The following UNC13D variants were observed in gnomAD, a reference collection of about 807,000 sequenced individuals.
UNC13D encodes unc-13 homolog D, also known as protein unc-13 homolog D.
UNC13D carries 115 observed loss-of-function variants against 151.7 expected under a neutral mutation model. The ratio of observed to expected loss-of-function variants is 0.76; its 90% confidence interval spans 0.65 to 0.88. The LOEUF is 0.88. Ranked by LOEUF, UNC13D falls within the 40% of genes least tolerant of loss-of-function variation. The pLI is 0.00. For synonymous variants in UNC13D, 588 were observed against 612.2 expected (o/e 0.96, Z 0.58); for missense variants, 1,369 against 1,438.7 (o/e 0.95, Z 0.78).
rs78028658 is a variant in UNC13D, at chr17:75,843,193, G to A, written c.227C>T (p.Thr76Met). The A allele has an allele frequency of 2.8e-4, 457 of 1,612,278 alleles. 1 individual carries two copies. In the African/African-American group the frequency reaches 5.3e-3, roughly 19 times the overall value. ...GTATCGCAGCAGCTCAGAGGCCTCC[G>A]TCACATGGTTGGGCTCAGGATGACC... ...RLGHPEPNHV[T>M]EASELLRYLQ... The change falls in exon 3 of 32, where the codon ACG (threonine) becomes ATG (methionine). Residue 76 changes from threonine (T) to methionine (M), a missense_variant. Thr to Met is a moderately conservative substitution (Grantham distance 81, BLOSUM62 -1). This residue lies in a region of UNC13D where 550 missense variants were observed against 609.0 expected (regional missense o/e 0.90). Transcript: ENST00000207549.
In UNC13D at chr17:75,836,382, G is replaced by C. The variant is rs1051792709; in HGVS notation, c.1346C>G (p.Pro449Arg). 8.7e-6 allele frequency: 14 copies of C among 1,613,780 alleles called. No homozygotes were observed. The highest frequency in any genetic ancestry group is 1.1e-5 in the Non-Finnish European group (13 of 1,180,044). The change falls in exon 15 of 32, where the codon CCC becomes CGC. Residue 449 changes from proline (P) to arginine (R), a missense_variant. By Grantham distance (103) the Pro-to-Arg change is moderately radical (BLOSUM62 -2). Around this residue, in one of 3 missense-constraint regions of UNC13D, gnomAD observed 550 missense variants for 609.0 expected, o/e 0.90. Coordinates refer to ENST00000207549, the MANE Select transcript of UNC13D (RefSeq NM_199242.3). Reference sequence around the variant, plus strand: ...CAGCTGGGGCAATGGGGCGGTGTTGGGGCACAGTTCTCCAAAGGCCTTCAT... The same window carrying C: ...CAGCTGGGGCAATGGGGCGGTGTTGCGGCACAGTTCTCCAAAGGCCTTCAT... Reference protein sequence around the residue: ...CKMKAFGELCPNTAPLPQLVT... With the variant: ...CKMKAFGELCRNTAPLPQLVT...
At position 75,830,758 on chromosome 17, in the gene UNC13D, G is replaced by A. The variant is rs142506597; in HGVS notation, c.2626-97C>T. The A allele has an allele frequency of 4.9e-5, 69 of 1,405,478 alleles. No individual in the cohort carries two copies. The African/African-American group carries it at 5.4e-4, about 11-fold the overall frequency. 87.1% of individuals were successfully genotyped at this position (1,405,478 alleles called of 1,614,324 possible). On this transcript the variant is annotated intron_variant, in intron 27 of 31. Transcript: ENST00000207549. ...GCTCACTGTCAAGGGTAACATGTCCGTTTGAAATGGAAAGTATTGGGTCAT... is the reference window on the plus strand; with the variant it reads ...GCTCACTGTCAAGGGTAACATGTCCATTTGAAATGGAAAGTATTGGGTCAT...
chr17:75,828,631 G>A (rs548623021), intron 31 of UNC13D, among the ~76,000 whole-genome samples, 156 bp downstream of exon 31: 21 of 152,346 alleles, frequency 1.4e-4, no homozygotes, highest in South Asian at 8.3e-4. Context: ...AAGTTCACTG[G>A]TCTCTTGATT....
chr17:75,835,305 T>C (rs1198551970), intron 20 of UNC13D, 104 bp downstream of exon 20: 4 of 1,475,566 alleles, frequency 2.7e-6, no homozygotes, highest in African/African-American at 1.4e-5. Context: ...AAAAGGGATG[T>C]TCAGAGCGGG....
chr17:75,834,192 G>T (rs999988198), intron 23 of UNC13D, 49 bp from the exon 24 acceptor site: 2 of 1,609,176 alleles, frequency 1.2e-6, no homozygotes, highest in African/African-American at 1.3e-5. Flanking sequence ...ATGAGTCGGG[G>T]ATGGAAGAGT....
intron 27 of UNC13D, 24 bp from the exon 28 acceptor site, chr17:75,830,685 T>G: frequency 1.3e-6 from 2 of 1,553,548 alleles, no homozygotes; most frequent in Non-Finnish European, 1.7e-6. Flanking sequence ...CAGCTGAGGA[T>G]CCACCTGGAC....
At chr17:75,828,194 C>T in intron 31 of UNC13D, 108 bp from the exon 32 acceptor site, 5 of 1,465,544 alleles carry the variant, frequency 3.4e-6, no homozygotes, top group Non-Finnish European at 4.6e-6. Context: ...ATCTCCCCAA[C>T]AACCTGGAAG....
At position 75,828,881 on chromosome 17, in the gene UNC13D, G is replaced by T. The variant is rs1356821498; in HGVS notation, c.3057C>A (p.Phe1019Leu). ...GCCCGGGCACCTCACGCAGCGGCAG[G>T]AAGGCCTCGCCTTCCAGGTCGTCGG... ...LGADDLEGEA[F>L]LPLREVPGLS... Residue 1019 changes from phenylalanine to leucine, a missense_variant, in exon 31 of 32, where the codon TTC (phenylalanine) becomes TTA (leucine). Phe to Leu is a conservative substitution (Grantham distance 22). Around this residue, in one of 3 missense-constraint regions of UNC13D, gnomAD observed 807 missense variants for 795.5 expected, o/e 1.01. Coordinates refer to ENST00000207549, the MANE Select transcript of UNC13D (RefSeq NM_199242.3). 2 of 1,604,464 alleles carry T rather than the reference G, an allele frequency of 1.2e-6. No individual in the cohort carries two copies. Among genetic ancestry groups the T allele is most frequent in the South Asian group, 1.1e-5 (1 of 90,486 alleles).
At chr17:75,837,346 A>G (rs955826646) in intron 12 of UNC13D, among the ~76,000 whole-genome samples, 2 of 151,548 alleles carry the variant, frequency 1.3e-5, no homozygotes, top group African/African-American at 2.4e-5. Flanking sequence ...GATTACAGAC[A>G]TGAGTCACTG....
intron 21 of UNC13D, 56 bp from the exon 22 acceptor site, chr17:75,834,772 C>T: frequency 6.2e-7 from 1 of 1,607,780 alleles, no homozygotes; most frequent in Non-Finnish European, 8.5e-7. Flanking sequence ...CCAGGAAGGG[C>T]AGGTGGGAGG....
At position 75,828,036 on chromosome 17, in the gene UNC13D, G is replaced by A; in HGVS notation, c.3202C>T (p.Gln1068Ter). 6.3e-7 allele frequency: 1 copy of A among 1,583,802 alleles called. No homozygotes were observed. The highest frequency in any genetic ancestry group is 1.1e-5 in the South Asian group (1 of 87,236). Residue 1068 changes from glutamine (Q) to a stop codon, truncating the protein, a stop_gained, in exon 32 of 32, where the codon CAG (glutamine) becomes TAG (stop). Coordinates refer to ENST00000207549, the MANE Select transcript of UNC13D (RefSeq NM_199242.3). LOFTEE classifies it high-confidence loss of function. ...LEGRKGDREA[Q>*]VFVRLRRHRA... ...TGCCGCCGCAGCCTCACAAAGACCT[G>A]GGCTTCTCGGTCACCCTTCCGGCCC...
rs764950480 is a variant in UNC13D at position 75,834,916 on chromosome 17, G to T, written c.1992+4C>A. On this transcript the variant is annotated splice_donor_region_variant and intron_variant, in intron 21 of 31. Coordinates refer to ENST00000207549, the MANE Select transcript of UNC13D (RefSeq NM_199242.3). ...GGGGGAAGGACACGTGGAAGATGCCGCACCTCCACAAACTTGACGGTAATC... is the reference window on the plus strand; with the variant it reads ...GGGGGAAGGACACGTGGAAGATGCCTCACCTCCACAAACTTGACGGTAATC... The T allele has an allele frequency of 6.2e-7, 1 of 1,613,816 alleles. No individual in the cohort carries two copies. The highest frequency in any genetic ancestry group is 1.7e-5 in the Admixed American group (1 of 59,998).
chr17:75,836,276 G>A lies in UNC13D; in HGVS notation c.1390-20C>T, dbSNP rs1215082270. On this transcript the variant is annotated intron_variant, in intron 15 of 31. Coordinates refer to ENST00000207549, the MANE Select transcript of UNC13D (RefSeq NM_199242.3). ...GCCAGTCTGTCGACAAAGAGGCAGT[G>A]AGCAGGGAGGGACTGCCAGGCCCAG... 3.1e-6 allele frequency: 5 copies of A among 1,612,986 alleles called. No homozygotes were observed. The South Asian group carries it at 5.5e-5, about 18-fold the overall frequency.
rs2064885598 is a variant in UNC13D, at chr17:75,833,361, C to T, written c.2368-316G>A. 11 of 269,828 alleles carry T rather than the reference C, an allele frequency of 4.1e-5. No homozygotes were observed. In the South Asian group the frequency reaches 5.9e-4, roughly 14 times the overall value. The allele number at this position is 269,828 out of a possible 1,614,324, so 16.7% of individuals were successfully genotyped here. A position where few individuals can be genotyped will look rare whatever the true frequency, so the allele number is the denominator to read the frequency against. On this transcript the variant is annotated intron_variant, in intron 24 of 31. Transcript: ENST00000207549. This position sits in a 1 kb window ranked among gnomAD's most constrained non-coding sequence, Gnocchi z 4.0. The stretch of plus-strand genomic sequence containing the variant: ...TTCTCATGCCTCCTCCCCTTGCTTC[C>T]CGTAGGTCTTCGCTCAGTTGTCACG...
Position 75,831,354 on chromosome 17 carries a change from G to GA in UNC13D, c.2448-7_2448-6insT, listed in dbSNP as rs771513070. ...TCCAGAGCAGGGTCAGGAGGCTGGG[G>GA]CGGGGCCGGAGGGATGCGGACACAG... On this transcript the variant is annotated splice_region_variant and splice_polypyrimidine_tract_variant and intron_variant, in intron 25 of 31. Transcript: ENST00000207549. The GA allele has an allele frequency of 1.3e-6, 2 of 1,592,626 alleles. No homozygotes were observed. The highest frequency in any genetic ancestry group is 3.3e-5 in the African/African-American group (2 of 60,066).
In UNC13D at chr17:75,844,316, G is replaced by C; in HGVS notation, c.22C>G (p.Pro8Ala). The C allele has an allele frequency of 1.2e-6, 2 of 1,611,848 alleles. No individual in the cohort carries two copies. Among genetic ancestry groups the C allele is most frequent in the Non-Finnish European group, 1.7e-6 (2 of 1,179,610 alleles). The change falls in exon 1 of 32, where the codon CCG (proline) becomes GCG (alanine). Residue 8 changes from proline to alanine, a missense_variant. Physicochemically the swap from Pro to Ala is conservative, Grantham distance 27. This residue lies in a region of UNC13D where 550 missense variants were observed against 609.0 expected (regional missense o/e 0.90). Transcript: ENST00000207549. ...CGCAAGAAGGGAGGGCGCTGCTGCG[G>C]ATGGGAGAGGAGTGTCGCCATGGTG... Reference protein sequence around the residue: MATLLSHPQQRPPFLRQA... With the variant: MATLLSHAQQRPPFLRQA...
chr17:75,831,297 G>C lies in UNC13D; in HGVS notation c.2499C>G (p.Ala833=), dbSNP rs200014965. The C allele has an allele frequency of 6.2e-7, 1 of 1,613,702 alleles. No individual in the cohort carries two copies. The highest frequency in any genetic ancestry group is 1.1e-5 in the South Asian group (1 of 91,086). ...CCAGGGATGAGCTGCGCTGGGAGGC[G>C]GCCGCCTCCACCAGCACTGTGAGTG... ...THTLTVLVEA[A]ASQRSSSLAS... is the part of the protein sequence containing the mutation. Residue 833 remains alanine (A), a synonymous_variant, in exon 26 of 32, where the codon GCC becomes GCG. Coordinates refer to ENST00000207549, the MANE Select transcript of UNC13D (RefSeq NM_199242.3).
At chr17:75,831,054 G>C in intron 27 of UNC13D, 44 bp downstream of exon 27, 1 of 1,611,170 alleles carries the variant, frequency 6.2e-7, no homozygotes, top group African/African-American at 1.3e-5. Flanking sequence ...CCAAAAGGCA[G>C]GCTCCCCAGA....
intron 27 of UNC13D, 122 bp downstream of exon 27, chr17:75,830,976 G>A (rs2064868103): frequency 8.2e-7 from 1 of 1,214,484 alleles, no homozygotes; most frequent in Non-Finnish European, 1.2e-6. Flanking sequence ...TTTTGAATAA[G>A]GGGCCCAGTT....
Sources: gnomAD v4.1 joint callset for allele counts (sites outside exome capture counted in the v4.1 genomes callset) on GRCh38, gnomAD v4.1.1 for gene constraint, gnomAD v4.1.1 regional missense constraint, Gnocchi (gnomAD v3.1) non-coding constraint, MANE v1.5 for transcripts, NCBI Gene and HGNC (gene_info 2026-07-23, HGNC 2026-07-21) for gene names.